The following SPATA22 variants were observed in gnomAD, a reference collection of about 807,000 sequenced individuals.
SPATA22 encodes spermatogenesis associated 22, also known as spermatogenesis-associated protein 22.
A neutral mutation model predicts 47.8 loss-of-function variants in SPATA22; 29 were observed. The observed-to-expected ratio is 0.61, with a 90% CI of 0.45 to 0.83. The LOEUF (loss-of-function observed/expected upper bound fraction) is 0.83. SPATA22 is among the 40% of genes least tolerant of loss of function. SPATA22 has a pLI of 0.00. For synonymous variants in SPATA22, 133 were observed against 140.9 expected (o/e 0.94, Z 0.40); for missense variants, 410 against 421.7 (o/e 0.97, Z 0.24).
At chr17:3,483,727 A>T in intron 1 of SPATA22, 1 of 812,864 alleles carries the variant, frequency 1.2e-6, no homozygotes. Context: ...CGATGGTGTG[A>T]TCTCAGCTCA....
Position 3,449,037 on chromosome 17 carries a change from C to T in SPATA22, c.442G>A (p.Val148Met), listed in dbSNP as rs1488690. 0.21 allele frequency: 343,497 copies of T among 1,613,430 alleles called. 39,134 individuals carry two copies. Among genetic ancestry groups the T allele is most frequent in the East Asian group, 0.38 (17,216 of 44,814 alleles). The change falls in exon 6 of 9, where the codon GTG (valine) becomes ATG (methionine). Residue 148 changes from valine (V) to methionine (M), a missense_variant. Transcript: ENST00000572969. ...TTTTGTTGTTGAGCTCCCGAACTCA[C>T]TGGACAAGAATTTTTTCCATCATTT... is the stretch of plus-strand genomic sequence containing the variant. ...VANDGKNSCP[V>M]SSGAQQQKQL...
At chr17:3,468,206 C>T (rs886588989) in intron 2 of SPATA22, 9 of 152,122 alleles carry the variant, frequency 5.9e-5, no homozygotes, top group South Asian at 2.1e-4. Flanking sequence ...ATACTACTAC[C>T]GATTCCTCCA....
intron 5 of SPATA22, among the ~76,000 whole-genome samples, chr17:3,450,566 G>C (rs1394867544): frequency 1.3e-5 from 2 of 152,146 alleles, no homozygotes; most frequent in Non-Finnish European, 2.9e-5. Context: ...ATGGGCACAA[G>C]TGATTCTCCT....
At chr17:3,464,194 C>A (rs1180237045) in intron 3 of SPATA22, among the ~76,000 whole-genome samples, 1 of 152,100 alleles carries the variant, frequency 6.6e-6, no homozygotes, top group African/African-American at 2.4e-5. Context: ...GTTGGCCGGG[C>A]TGGTCTCCAG....
chr17:3,471,829 G>A (rs539842584), upstream of SPATA22: 1 of 984,980 alleles, frequency 1.0e-6, no homozygotes, highest in Non-Finnish European at 1.2e-6. Flanking sequence ...CAGGCTGTTC[G>A]CAGGCGCCGT....
At chr17:3,483,589 G>T (rs1164567502) in intron 1 of SPATA22, 2 of 1,610,940 alleles carry the variant, frequency 1.2e-6, no homozygotes, top group South Asian at 2.2e-5. Context: ...CAAGTATCCT[G>T]TGGGTAAGTC....
chr17:3,465,099 C>A (rs1416146075), intron 3 of SPATA22, among the ~76,000 whole-genome samples: 26 of 117,070 alleles, frequency 2.2e-4, no homozygotes, highest in Middle Eastern at 5.8e-3. Flanking sequence ...GCAGCCACCC[C>A]GTCTGGGAAG....
intron 1 of SPATA22, among the ~76,000 whole-genome samples, chr17:3,487,408 T>C (rs1597437084): frequency 6.6e-6 from 1 of 152,194 alleles, no homozygotes. Flanking sequence ...CTCCCTCATA[T>C]TGAAATATTT....
chr17:3,478,992 T>A (rs2073581086), intron 1 of SPATA22, among the ~76,000 whole-genome samples: 2 of 152,182 alleles, frequency 1.3e-5, no homozygotes, highest in African/African-American at 4.8e-5. Context: ...TAGAATAGCC[T>A]CCTAAAGGGT....
chr17:3,444,235 C>A (rs556130823), intron 7 of SPATA22, among the ~76,000 whole-genome samples: 113 of 152,068 alleles, frequency 7.4e-4, no homozygotes, highest in African/African-American at 2.6e-3. Flanking sequence ...CCCAGATTAT[C>A]CTTCAGGAAA....
At chr17:3,441,990 G>A (rs1373952572) in intron 8 of SPATA22, 3 of 152,016 alleles carry the variant, frequency 2.0e-5, no homozygotes, top group African/African-American at 7.2e-5. Context: ...TTACCTGTAA[G>A]TAGAAGACAA....
intron 5 of SPATA22, among the ~76,000 whole-genome samples, chr17:3,455,896 T>C (rs1229987690): frequency 1.3e-5 from 2 of 152,158 alleles, no homozygotes; most frequent in Admixed American, 6.5e-5. Context: ...AGTATGGCCA[T>C]TTTCACGATA....
intron 5 of SPATA22, among the ~76,000 whole-genome samples, chr17:3,459,487 C>A (rs2073076647): frequency 6.6e-6 from 1 of 152,282 alleles, no homozygotes; most frequent in African/African-American, 2.4e-5. Flanking sequence ...CTCACTGCAA[C>A]CTCCACCTCC....
Position 3,443,293 on chromosome 17 carries a change from G to GA in SPATA22, c.803-23dup, listed in dbSNP as rs763703385. The GA allele has an allele frequency of 1.1e-3, 1,721 of 1,519,496 alleles. 5 individuals are homozygous for GA. The highest frequency in any genetic ancestry group is 4.5e-3 in the Middle Eastern group (26 of 5,730). The allele number at this position is 1,519,496 out of a possible 1,614,324, so 94.1% of individuals were successfully genotyped here. The stretch of plus-strand genomic sequence containing the variant: ...ACAGCTAAGCAATATTGAAATGGGG[G>GA]AAAAAATGAATGTTGGTAAACTGCA... On this transcript the variant is annotated intron_variant, in intron 7 of 8. Transcript: ENST00000572969.
At chr17:3,476,244 T>C, upstream of SPATA22, 1 of 1,614,180 alleles carries the variant, frequency 6.2e-7, no homozygotes, top group South Asian at 1.1e-5. Context: ...AACCGGAGTA[T>C]TTCTGGTTAA....
intron 8 of SPATA22, among the ~76,000 whole-genome samples, chr17:3,442,155 G>GT (rs899405899): frequency 9.5e-4 from 144 of 151,738 alleles, no homozygotes; most frequent in African/African-American, 3.5e-3. Flanking sequence ...CAATAACAAA[G>GT]TTTTTTTAAA....
intron 5 of SPATA22, among the ~76,000 whole-genome samples, chr17:3,457,519 G>C (rs2073025324): frequency 1.3e-5 from 2 of 152,058 alleles, no homozygotes; most frequent in African/African-American, 4.8e-5. Context: ...ACTCTGAATA[G>C]CCAAAACAAT....
chr17:3,471,385 T>C, intron 1 of SPATA22: 3 of 975,734 alleles, frequency 3.1e-6, no homozygotes, highest in South Asian at 4.7e-5. Context: ...AGTGTAACAT[T>C]CCACCCGCGG....
Position 3,485,035 on chromosome 17 carries a change from T to C in SPATA22, c.-73-15637A>G, listed in dbSNP as rs533776096. 6.6e-6 allele frequency among the ~76,000 whole-genome samples: 1 copy of C among 152,286 alleles called. No homozygotes were observed. Among genetic ancestry groups the C allele is most frequent in the South Asian group, 2.1e-4 (1 of 4,824 alleles). ...CAGTAGGGTTTTGTTTTGTTTTTTTTCTGGAAAAGGGTCTCACTCTGTTGC... is the reference window on the plus strand; with the variant it reads ...CAGTAGGGTTTTGTTTTGTTTTTTTCCTGGAAAAGGGTCTCACTCTGTTGC... On this transcript the variant is annotated intron_variant, in intron 1 of 8. Coordinates refer to the SPATA22 transcript ENST00000541913. This position sits in a 1 kb window ranked among gnomAD's most constrained non-coding sequence, Gnocchi z 4.4.
Sources: gnomAD v4.1 joint callset for allele counts (sites outside exome capture counted in the v4.1 genomes callset) on GRCh38, gnomAD v4.1.1 for gene constraint, Gnocchi (gnomAD v3.1) non-coding constraint, MANE v1.5 for transcripts, NCBI Gene and HGNC (gene_info 2026-07-23, HGNC 2026-07-21) for gene names.